PDZD2: variants seen among roughly 807,000 people sequenced by gnomAD.
The protein encoded by PDZD2 is PDZ domain-containing protein 2.
A neutral mutation model predicts 220.7 loss-of-function variants in PDZD2; 90 were observed. The ratio of observed to expected loss-of-function variants is 0.41; its 90% CI spans 0.34 to 0.49. The LOEUF is 0.49. PDZD2 is among the 20% of genes least tolerant of loss of function. The probability of loss-of-function intolerance (pLI) is 0.28; values close to 1 mark genes in which losing one functional copy is unlikely to be tolerated. For missense variants in PDZD2, 3,174 were observed against 3,608.5 expected, an observed-to-expected ratio of 0.88 and a Z score of 3.08; for synonymous variants, 1,375 against 1,450.5, an observed-to-expected ratio of 0.95 and a Z score of 1.18.
intron 2 of PDZD2, among the ~76,000 whole-genome samples, chr5:31,860,584 C>T (rs536695705): frequency 7.1e-4 from 108 of 152,318 alleles, no homozygotes; most frequent in Non-Finnish European, 1.3e-3. Flanking sequence ...CAGAACCCTC[C>T]TCTCAGTTTC....
intron 2 of PDZD2, among the ~76,000 whole-genome samples, chr5:31,868,857 C>T (rs186572852): frequency 3.4e-4 from 52 of 152,238 alleles, no homozygotes; most frequent in South Asian, 2.7e-3. Flanking sequence ...CTGGAACCAC[C>T]GCCTCCCGGG....
At chr5:31,773,484 CAAAAA>C (rs56843716) in intron 1 of PDZD2, among the ~76,000 whole-genome samples, 2 of 111,476 alleles carry the variant, frequency 1.8e-5, no homozygotes, top group Non-Finnish European at 4.1e-5. Context: ...ACTAAAAATA[CAAAAA>C]AAAAAAAAAA....
intron 12 of PDZD2, among the ~76,000 whole-genome samples, chr5:32,058,517 A>G (rs1003536243): frequency 3.3e-5 from 5 of 151,698 alleles, no homozygotes; most frequent in East Asian, 1.9e-4. Context: ...AAAAATAAAA[A>G]AAAAAAATTA....
chr5:32,063,676 C>T (rs1049385028), intron 14 of PDZD2, among the ~76,000 whole-genome samples: 7 of 152,242 alleles, frequency 4.6e-5, no homozygotes, highest in Non-Finnish European at 1.0e-4. Context: ...GCAGTGCCAA[C>T]ATACCAGGGA....
intron 1 of PDZD2, among the ~76,000 whole-genome samples, chr5:31,756,775 C>T (rs111679640): frequency 2.8e-4 from 43 of 152,354 alleles, no homozygotes; most frequent in African/African-American, 9.6e-4. Flanking sequence ...CACTGCCTTA[C>T]ATGTGGGGAA....
chr5:31,886,739 T>C lies in PDZD2; in HGVS notation c.476+87015T>C, dbSNP rs552342395. On this transcript the variant is annotated intron_variant, in intron 2 of 24. Coordinates refer to ENST00000438447, the MANE Select transcript of PDZD2 (RefSeq NM_178140.4). ...TTGAGACGGAGTCTTGCTCTGTCGC[T>C]CAGGCTGGAGTGCAGTGGTGCGATC... 1.9e-3 allele frequency among the ~76,000 whole-genome samples: 289 copies of C among 151,244 alleles called. 2 individuals are homozygous for C. Among genetic ancestry groups the C allele is most frequent in the South Asian group, 0.01 (50 of 4,802 alleles).
At chr5:31,734,032 T>C (rs1749695189) in intron 1 of PDZD2, among the ~76,000 whole-genome samples, 1 of 152,246 alleles carries the variant, frequency 6.6e-6, no homozygotes, top group East Asian at 1.9e-4. Flanking sequence ...TACTTCTGAC[T>C]GACCAGCTGT....
At chr5:31,664,805 C>G (rs1402246666) in intron 1 of PDZD2, 2 of 152,190 alleles carry the variant, frequency 1.3e-5, no homozygotes, top group East Asian at 1.9e-4. Flanking sequence ...GACTCAGATT[C>G]TCTCCATCTT....
At chr5:31,672,563 C>T (rs75309068) in intron 1 of PDZD2, among the ~76,000 whole-genome samples, 1,969 of 152,306 alleles carry the variant, frequency 0.013, 41 homozygotes, top group African/African-American at 0.045. Context: ...CTTTCAAAAG[C>T]GACAGGAAGT....
intron 7 of PDZD2, among the ~76,000 whole-genome samples, chr5:32,043,157 C>T (rs778259983): frequency 2.0e-5 from 3 of 152,230 alleles, no homozygotes; most frequent in Non-Finnish European, 4.4e-5. Context: ...GGAGGGGGCG[C>T]TGGAGGGCCT....
chr5:31,737,383 A>G (rs1026006446), intron 1 of PDZD2, among the ~76,000 whole-genome samples: 6 of 152,020 alleles, frequency 3.9e-5, no homozygotes, highest in African/African-American at 7.2e-5. Flanking sequence ...CGTGTTAGCC[A>G]GGATGGTCTT....
chr5:31,699,691 C>T (rs897878796), intron 1 of PDZD2, among the ~76,000 whole-genome samples: 1 of 152,048 alleles, frequency 6.6e-6, no homozygotes. Flanking sequence ...GCAATCTCCA[C>T]CTCCCGGGTT....
At chr5:31,841,736 G>C (rs559354218) in intron 2 of PDZD2, among the ~76,000 whole-genome samples, 5 of 152,024 alleles carry the variant, frequency 3.3e-5, no homozygotes, top group Middle Eastern at 3.4e-3. Context: ...ACTTTAGGAG[G>C]CTGAGGCAGG....
chr5:31,800,315 T>C (rs1561469974), intron 2 of PDZD2, among the ~76,000 whole-genome samples: 1 of 152,172 alleles, frequency 6.6e-6, no homozygotes, highest in Non-Finnish European at 1.5e-5. Context: ...CTTCCAGTTG[T>C]CTCTCCCAGT....
At chr5:31,730,024 C>T (rs550573653) in intron 1 of PDZD2, among the ~76,000 whole-genome samples, 3 of 152,260 alleles carry the variant, frequency 2.0e-5, no homozygotes, top group South Asian at 4.1e-4. Context: ...GACAGGGTTT[C>T]GCCATGTTGG....
intron 2 of PDZD2, among the ~76,000 whole-genome samples, chr5:31,897,346 G>T (rs1197237625): frequency 6.6e-6 from 1 of 152,144 alleles, no homozygotes; most frequent in Non-Finnish European, 1.5e-5. Context: ...GGACAGCCTG[G>T]ACTGGTTTTC....
chr5:31,942,383 A>ATGTGTG (rs10581247), intron 2 of PDZD2, among the ~76,000 whole-genome samples: 31 of 151,056 alleles, frequency 2.1e-4, no homozygotes, highest in African/African-American at 7.5e-4. Context: ...GCTTATGGGC[A>ATGTGTG]TGTGTGTGTG....
At chr5:31,778,483 G>A (rs1752850446) in intron 1 of PDZD2, among the ~76,000 whole-genome samples, 1 of 152,088 alleles carries the variant, frequency 6.6e-6, no homozygotes, top group South Asian at 2.1e-4. Context: ...CCCACTGGGA[G>A]GAATGAACAA....
chr5:31,730,571 TGTGTGTGTGTGTGTGTGTGTG>T (rs1484664703), intron 1 of PDZD2, among the ~76,000 whole-genome samples: 7 of 112,936 alleles, frequency 6.2e-5, no homozygotes, highest in African/African-American at 1.3e-4. Flanking sequence ...TGTGTGTGTG[TGTGTGTGTGTGTGTGTGTGTG>T]GTGTGTGTGT....
Sources: allele counts gnomAD v4.1 joint callset (sites outside exome capture counted in the v4.1 genomes callset), GRCh38; gene constraint gnomAD v4.1.1; transcripts MANE v1.5; gene names NCBI Gene and HGNC (gene_info 2026-07-23, HGNC 2026-07-21).